Variants in CNTN5 observed in about 807,000 individuals in gnomAD.
CNTN5 encodes the protein contactin-5.
Under a neutral mutation model 129.1 loss-of-function variants are expected in CNTN5, and 77 were observed. The observed-to-expected ratio is 0.60, with a 90% CI of 0.50 to 0.72. CNTN5 has a LOEUF of 0.72. CNTN5 is among the 30% of genes least tolerant of loss of function. The probability of loss-of-function intolerance (pLI) is 0.00; values close to 1 mark genes in which losing one functional copy is unlikely to be tolerated. For synonymous variants in CNTN5, 509 were observed against 465.6 expected, an observed-to-expected ratio of 1.09 and a Z score of -1.20; for missense variants, 1,478 against 1,328.8, an observed-to-expected ratio of 1.11 and a Z score of -1.75.
At chr11:99,023,517 A>C (rs1305484991) in intron 1 of CNTN5, among the ~76,000 whole-genome samples, 2 of 152,184 alleles carry the variant, frequency 1.3e-5, no homozygotes, top group African/African-American at 4.8e-5. Flanking sequence ...AGACAAAATA[A>C]AGGCATAATT....
At chr11:99,773,068 A>G (rs1944999179) in intron 3 of CNTN5, among the ~76,000 whole-genome samples, 1 of 152,098 alleles carries the variant, frequency 6.6e-6, no homozygotes, top group Admixed American at 6.6e-5. Context: ...CAACAACCAG[A>G]TTAGGAAATG....
chr11:99,774,131 A>C (rs558665805), intron 3 of CNTN5, among the ~76,000 whole-genome samples: 1 of 151,932 alleles, frequency 6.6e-6, no homozygotes, highest in Admixed American at 6.6e-5. Flanking sequence ...GAATGGTTTA[A>C]GTTTTCGAAC....
chr11:99,025,537 A>G (rs547691502), intron 1 of CNTN5, among the ~76,000 whole-genome samples: 1 of 151,882 alleles, frequency 6.6e-6, no homozygotes, highest in African/African-American at 2.4e-5. Flanking sequence ...TTAGGAAGAG[A>G]AATGTTGCTG....
At chr11:100,314,772 C>T (rs1285082493) in intron 21 of CNTN5, among the ~76,000 whole-genome samples, 1 of 152,096 alleles carries the variant, frequency 6.6e-6, no homozygotes, top group African/African-American at 2.4e-5. Flanking sequence ...TATCATTAGG[C>T]TCTCCCTTCC....
chr11:100,109,012 G>T (rs894857471), intron 13 of CNTN5, among the ~76,000 whole-genome samples: 1 of 152,038 alleles, frequency 6.6e-6, no homozygotes, highest in Non-Finnish European at 1.5e-5. Flanking sequence ...CAACACCCTT[G>T]ACCAAATTCT....
chr11:99,061,630 A>G (rs1051530198), intron 1 of CNTN5, among the ~76,000 whole-genome samples: 3 of 152,144 alleles, frequency 2.0e-5, no homozygotes, highest in Non-Finnish European at 4.4e-5. Flanking sequence ...TTCATAAAAG[A>G]AGATGGTATA....
chr11:99,841,995 T>A (rs1301260006), intron 4 of CNTN5, among the ~76,000 whole-genome samples: 2 of 151,776 alleles, frequency 1.3e-5, no homozygotes, highest in Non-Finnish European at 2.9e-5. Flanking sequence ...CAAGCGATTC[T>A]CCTGCCTCAG....
intron 8 of CNTN5, among the ~76,000 whole-genome samples, chr11:99,987,296 GATAT>G (rs1190766341): frequency 5.3e-5 from 8 of 151,402 alleles, no homozygotes; most frequent in African/African-American, 1.5e-4. Context: ...AGTGAAAACA[GATAT>G]GGAACAAATG....
intron 23 of CNTN5, among the ~76,000 whole-genome samples, chr11:100,347,535 GTA>G (rs1230988676): frequency 6.6e-6 from 1 of 152,082 alleles, no homozygotes; most frequent in Non-Finnish European, 1.5e-5. Context: ...GTCACATGCA[GTA>G]TATATATGAA....
chr11:99,331,926 A>G (rs1269153598), intron 2 of CNTN5, among the ~76,000 whole-genome samples: 1 of 152,124 alleles, frequency 6.6e-6, no homozygotes, highest in South Asian at 2.1e-4. Flanking sequence ...TTTTTTCACC[A>G]TCAAGAGAAT....
At chr11:99,351,792 A>G (rs554344008) in intron 2 of CNTN5, among the ~76,000 whole-genome samples, 10 of 152,264 alleles carry the variant, frequency 6.6e-5, no homozygotes, top group South Asian at 6.2e-4. Context: ...AAAGATTACA[A>G]CCATCTTTTT....
intron 1 of CNTN5, among the ~76,000 whole-genome samples, chr11:99,171,258 ATAC>A (rs1345847399): frequency 2.0e-5 from 3 of 152,216 alleles, no homozygotes; most frequent in African/African-American, 7.2e-5. Context: ...GCAACATTAT[ATAC>A]TACTAGACCA....
chr11:100,267,744 A>G (rs1398759246), intron 17 of CNTN5, among the ~76,000 whole-genome samples: 1 of 152,138 alleles, frequency 6.6e-6, no homozygotes, highest in Non-Finnish European at 1.5e-5. Flanking sequence ...TTGGGTTTTC[A>G]CCGTCAGAGA....
chr11:100,164,457 TAGCA>T (rs745775629), intron 13 of CNTN5, among the ~76,000 whole-genome samples: 2 of 151,722 alleles, frequency 1.3e-5, no homozygotes, highest in Non-Finnish European at 2.9e-5. Flanking sequence ...CATGAATAAA[TAGCA>T]AATCAAATGG....
chr11:100,044,221 G>T (rs997476424), intron 9 of CNTN5, among the ~76,000 whole-genome samples: 2 of 151,602 alleles, frequency 1.3e-5, no homozygotes, highest in African/African-American at 2.4e-5. Flanking sequence ...TTAATTTCCA[G>T]TCAGTCATTA....
chr11:99,259,925 A>T (rs546237803), intron 1 of CNTN5, among the ~76,000 whole-genome samples: 1 of 151,896 alleles, frequency 6.6e-6, no homozygotes, highest in East Asian at 1.9e-4. Context: ...TCACTCTGTA[A>T]ACTGTCTATT....
chr11:99,617,960 T>C (rs1950812757), intron 3 of CNTN5, among the ~76,000 whole-genome samples: 1 of 152,188 alleles, frequency 6.6e-6, no homozygotes, highest in Non-Finnish European at 1.5e-5. Context: ...TATCTGTAAT[T>C]ACAGCCCCTA....
intron 3 of CNTN5, among the ~76,000 whole-genome samples, chr11:99,724,475 T>A (rs570870197): frequency 6.6e-6 from 1 of 152,286 alleles, no homozygotes; most frequent in Non-Finnish European, 1.5e-5. Context: ...AGTCTTGGAG[T>A]GCTCAATGCC....
In CNTN5 at chr11:99,851,769, C is replaced by G. The variant is rs544311367; in HGVS notation, c.577+6507C>G. Among the ~76,000 whole-genome samples the G allele has an allele frequency of 5.3e-5, 8 of 152,304 alleles. No homozygotes were observed. The South Asian group carries it at 1.2e-3, about 24-fold the overall frequency. On this transcript the variant is annotated intron_variant, in intron 6 of 24. Transcript: ENST00000524871. ...GTTGATTAAAATAACCTACTTAACT[C>G]TTTGAGAGATTATATGACTTTTTAG...
Sources: gnomAD v4.1 joint callset for allele counts (sites outside exome capture counted in the v4.1 genomes callset) on GRCh38, gnomAD v4.1.1 for gene constraint, MANE v1.5 for transcripts, NCBI Gene and HGNC (gene_info 2026-07-23, HGNC 2026-07-21) for gene names.